Variants in DPYD observed in about 807,000 individuals in gnomAD.
The protein encoded by DPYD is dihydropyrimidine dehydrogenase, also known as dihydropyrimidine dehydrogenase [NADP(+)].
Under a neutral mutation model 116.2 loss-of-function variants are expected in DPYD, and 109 were observed. The observed-to-expected ratio is 0.94, with a 90% confidence interval of 0.80 to 1.10. The LOEUF is 1.10. DPYD is among the 50% of genes least tolerant of loss of function. The pLI is 0.00. For synonymous variants in DPYD, 440 were observed against 432.0 expected, an observed-to-expected ratio of 1.02 and a Z score of -0.23; for missense variants, 1,302 against 1,254.5, an observed-to-expected ratio of 1.04 and a Z score of -0.57.
chr1:97,898,181 T>C (rs1278891037), intron 1 of DPYD, among the ~76,000 whole-genome samples: 2 of 151,658 alleles, frequency 1.3e-5, no homozygotes, highest in African/African-American at 2.4e-5. Context: ...CCCAGACCCA[T>C]GTGAGTGCTA....
chr1:97,720,237 A>G, intron 5 of DPYD: 1 of 984,828 alleles, frequency 1.0e-6, no homozygotes, highest in Non-Finnish European at 1.2e-6. Flanking sequence ...ATATCATTTT[A>G]ATTCATTTTG....
chr1:97,547,671 G>A (rs77857838), intron 12 of DPYD, among the ~76,000 whole-genome samples: 11,394 of 151,720 alleles, frequency 0.075, 584 homozygotes, highest in Non-Finnish European at 0.11. Context: ...TTTCTCTCTC[G>A]TTGTTTTGTT....
At chr1:97,803,698 A>C (rs1424338629) in intron 3 of DPYD, among the ~76,000 whole-genome samples, 1 of 151,934 alleles carries the variant, frequency 6.6e-6, no homozygotes, top group East Asian at 1.9e-4. Context: ...ATTAAATGAA[A>C]TATGGCTGAA....
intron 1 of DPYD, among the ~76,000 whole-genome samples, chr1:97,914,506 A>G (rs762001337): frequency 1.1e-4 from 17 of 152,174 alleles, no homozygotes; most frequent in Non-Finnish European, 2.1e-4. Flanking sequence ...TCACCTATGC[A>G]TTAGCCCTGA....
intron 16 of DPYD, among the ~76,000 whole-genome samples, chr1:97,332,618 G>A (rs1266516225): frequency 7.9e-5 from 12 of 152,148 alleles, no homozygotes; most frequent in African/African-American, 2.9e-4. Context: ...CGATAGTGGT[G>A]CCTTGTCATG....
intron 20 of DPYD, among the ~76,000 whole-genome samples, chr1:97,151,960 T>C (rs1655059183): frequency 6.6e-6 from 1 of 152,204 alleles, no homozygotes; most frequent in African/African-American, 2.4e-5. Flanking sequence ...GTATATTTTA[T>C]TAAGCTCTCT....
At chr1:97,466,868 C>A (rs1327260104) in intron 13 of DPYD, among the ~76,000 whole-genome samples, 1 of 151,920 alleles carries the variant, frequency 6.6e-6, no homozygotes, top group Admixed American at 6.6e-5. Flanking sequence ...CATAAATATA[C>A]CAAAGAACTC....
chr1:97,318,172 C>T (rs1013567387), intron 16 of DPYD, among the ~76,000 whole-genome samples: 1 of 147,090 alleles, frequency 6.8e-6, no homozygotes, highest in African/African-American at 2.5e-5. Context: ...ACTGCATCAA[C>T]TAACGAGCAA....
intron 16 of DPYD, among the ~76,000 whole-genome samples, chr1:97,355,223 G>A (rs1280875732): frequency 6.6e-6 from 1 of 151,940 alleles, no homozygotes; most frequent in Non-Finnish European, 1.5e-5. Flanking sequence ...ATAGGTATAT[G>A]TTTAATATTC....
chr1:97,123,947 G>A (rs1002677987), intron 20 of DPYD, among the ~76,000 whole-genome samples: 6 of 152,076 alleles, frequency 3.9e-5, no homozygotes, highest in Non-Finnish European at 7.4e-5. Flanking sequence ...TAATGAATCT[G>A]GGTCCCTGCC....
intron 10 of DPYD, among the ~76,000 whole-genome samples, chr1:97,590,376 C>T (rs1654423938): frequency 6.6e-6 from 1 of 152,132 alleles, no homozygotes; most frequent in Non-Finnish European, 1.5e-5. Context: ...TGCTAGAAAG[C>T]CTTCGGTGCT....
At chr1:97,709,191 G>C (rs2100997409) in intron 5 of DPYD, among the ~76,000 whole-genome samples, 1 of 151,692 alleles carries the variant, frequency 6.6e-6, no homozygotes. Flanking sequence ...TGTATCACTT[G>C]GACTATTTTA....
chr1:97,404,020 T>G (rs1570677784), intron 14 of DPYD, among the ~76,000 whole-genome samples: 1 of 152,064 alleles, frequency 6.6e-6, no homozygotes, highest in East Asian at 1.9e-4. Context: ...AAAATATTTT[T>G]AATGCTTTTT....
At chr1:97,920,699 C>T (rs1674468993) in intron 1 of DPYD, among the ~76,000 whole-genome samples, 185 bp downstream of exon 1, 1 of 152,214 alleles carries the variant, frequency 6.6e-6, no homozygotes, top group Non-Finnish European at 1.5e-5. Flanking sequence ...CCCTGAGCTC[C>T]CCGCCTGCCC....
intron 14 of DPYD, among the ~76,000 whole-genome samples, chr1:97,434,984 A>G (rs1432771703): frequency 2.6e-5 from 4 of 152,004 alleles, no homozygotes; most frequent in Non-Finnish European, 5.9e-5. Flanking sequence ...TCTGTATCCT[A>G]TAAATGGCTA....
chr1:97,349,792 T>A (rs1167061794), intron 16 of DPYD, among the ~76,000 whole-genome samples: 1 of 152,108 alleles, frequency 6.6e-6, no homozygotes, highest in Non-Finnish European at 1.5e-5. Flanking sequence ...TTGTGAATAG[T>A]ACTGCAATAA....
chr1:97,487,981 T>C (rs988232555), intron 13 of DPYD, among the ~76,000 whole-genome samples: 6 of 152,150 alleles, frequency 3.9e-5, no homozygotes, highest in Non-Finnish European at 7.4e-5. Flanking sequence ...CAAATTTTCA[T>C]AGCAACTTTA....
chr1:97,118,529 C>A (rs914044816), intron 20 of DPYD, among the ~76,000 whole-genome samples: 1 of 152,012 alleles, frequency 6.6e-6, no homozygotes, highest in East Asian at 1.9e-4. Flanking sequence ...CTGAGGAGGG[C>A]ATCAAAAAAA....
chr1:97,851,333 A>G (rs1347936528), intron 2 of DPYD, among the ~76,000 whole-genome samples: 1 of 151,220 alleles, frequency 6.6e-6, no homozygotes, highest in Non-Finnish European at 1.5e-5. Flanking sequence ...ATTGCTTATG[A>G]TGAGGTCAGA....
Sources: gnomAD v4.1 joint callset for allele counts (sites outside exome capture counted in the v4.1 genomes callset) on GRCh38, gnomAD v4.1.1 for gene constraint, MANE v1.5 for transcripts, NCBI Gene and HGNC (gene_info 2026-07-23, HGNC 2026-07-21) for gene names.